The following PRR16 variants were observed in gnomAD, a reference collection of about 807,000 sequenced individuals.
The protein encoded by PRR16 is protein Largen.
PRR16 carries 6 observed loss-of-function variants against 18.2 expected under a neutral mutation model. The observed-to-expected ratio is 0.33, with a 90% CI of 0.18 to 0.65. PRR16 has a LOEUF of 0.65. PRR16 is among the 30% of genes least tolerant of loss of function. The pLI is 0.74. For synonymous variants in PRR16, 151 were observed against 147.8 expected, an observed-to-expected ratio of 1.02 and a Z score of -0.16; for missense variants, 412 against 376.6, an observed-to-expected ratio of 1.09 and a Z score of -0.78.
the PRR16 span, among the ~76,000 whole-genome samples, chr5:120,729,315 A>G: frequency 1.3e-5 from 2 of 152,250 alleles, no homozygotes; most frequent in African/African-American, 4.8e-5. Context: ...CTGTGTGGCC[A>G]TAGGTAAATT....
intron 1 of PRR16, among the ~76,000 whole-genome samples, chr5:120,551,372 G>A (rs1158442398): frequency 6.6e-6 from 1 of 151,946 alleles, no homozygotes; most frequent in Non-Finnish European, 1.5e-5. Flanking sequence ...AGTCAGATGA[G>A]CTTAAGTTAA....
At chr5:120,527,914 A>G (rs1751422837) in intron 1 of PRR16, among the ~76,000 whole-genome samples, 1 of 152,228 alleles carries the variant, frequency 6.6e-6, no homozygotes, top group Non-Finnish European at 1.5e-5. Context: ...TTGCCTTTGT[A>G]TATGCCTAAT....
chr5:120,631,218 A>C (rs1428111181), intron 1 of PRR16, among the ~76,000 whole-genome samples: 1 of 152,176 alleles, frequency 6.6e-6, no homozygotes, highest in Non-Finnish European at 1.5e-5. Flanking sequence ...ATTATGATTA[A>C]GATGGCAGAT....
chr5:120,759,194 T>C, the PRR16 span, among the ~76,000 whole-genome samples: 22 of 151,928 alleles, frequency 1.4e-4, no homozygotes, highest in African/African-American at 4.3e-4. Context: ...GCCAGGATGG[T>C]ATTGATCTCC....
chr5:120,478,898 A>G (rs1305871699), intron 1 of PRR16, among the ~76,000 whole-genome samples: 1 of 152,094 alleles, frequency 6.6e-6, no homozygotes, highest in Non-Finnish European at 1.5e-5. Flanking sequence ...ATTTTAAATT[A>G]ACTGGAAAAT....
chr5:120,776,622 A>G, the PRR16 span, among the ~76,000 whole-genome samples: 1 of 152,164 alleles, frequency 6.6e-6, no homozygotes, highest in Non-Finnish European at 1.5e-5. Flanking sequence ...TGTATAGAAT[A>G]CAATACCACC....
chr5:120,792,155 A>G, the PRR16 span, among the ~76,000 whole-genome samples: 2 of 152,162 alleles, frequency 1.3e-5, no homozygotes, highest in Non-Finnish European at 2.9e-5. Context: ...GATAAAAAAT[A>G]TAGTTCTTTA....
the PRR16 span, among the ~76,000 whole-genome samples, chr5:120,720,050 C>T: frequency 2.0e-5 from 3 of 152,082 alleles, no homozygotes; most frequent in African/African-American, 7.2e-5. Flanking sequence ...CAAAGTAGAG[C>T]ACACATTTAT....
chr5:120,681,040 A>G (rs1271695684), intron 1 of PRR16, among the ~76,000 whole-genome samples: 1 of 152,164 alleles, frequency 6.6e-6, no homozygotes, highest in Non-Finnish European at 1.5e-5. Context: ...TTGCCTGATA[A>G]TATCTTATTT....
intron 1 of PRR16, among the ~76,000 whole-genome samples, chr5:120,564,873 C>A (rs1304482562): frequency 1.3e-5 from 2 of 151,794 alleles, no homozygotes; most frequent in Non-Finnish European, 2.9e-5. Context: ...GTAGTCCCAG[C>A]TACTCGGGAG....
At chr5:120,599,819 A>T (rs986697347) in intron 1 of PRR16, among the ~76,000 whole-genome samples, 7 of 151,886 alleles carry the variant, frequency 4.6e-5, no homozygotes, top group African/African-American at 1.7e-4. Flanking sequence ...GACATAGTCC[A>T]ACCAGTGACT....
the PRR16 span, among the ~76,000 whole-genome samples, chr5:120,740,068 A>G: frequency 6.6e-6 from 1 of 152,182 alleles, no homozygotes; most frequent in Non-Finnish European, 1.5e-5. Context: ...GCTTAGCTAG[A>G]TGAATGACAC....
chr5:120,501,234 T>G (rs187183642), intron 1 of PRR16, among the ~76,000 whole-genome samples: 4 of 152,304 alleles, frequency 2.6e-5, no homozygotes, highest in Admixed American at 2.6e-4. Context: ...GGTGTCACAT[T>G]TAATTTAATA....
chr5:120,555,787 A>C (rs1524574), intron 1 of PRR16, among the ~76,000 whole-genome samples: 1 of 148,598 alleles, frequency 6.7e-6, no homozygotes, highest in East Asian at 2.0e-4. Context: ...CAATCTTCTA[A>C]ATAACCTAGA....
At chr5:120,773,016 GTATAC>G in the PRR16 span, among the ~76,000 whole-genome samples, 3 of 152,052 alleles carry the variant, frequency 2.0e-5, no homozygotes, top group Admixed American at 1.3e-4. Context: ...GGTACTGTAA[GTATAC>G]TATATTATAT....
rs560029461 is a variant in PRR16 at position 120,627,487 on chromosome 5, G to A, written c.160-58467G>A. The stretch of plus-strand genomic sequence containing the variant: ...ATGTGACTTGAGACTGATGAATTAT[G>A]ATAGTCTTTGATGTGCTTCAGGCAT... On this transcript the variant is annotated intron_variant, in intron 1 of 1. Coordinates refer to ENST00000407149, the MANE Select transcript of PRR16 (RefSeq NM_001300783.2). Among the ~76,000 whole-genome samples the A allele has an allele frequency of 3.9e-5, 6 of 152,156 alleles. No individual in the cohort carries two copies. In the East Asian group the frequency reaches 1.2e-3, roughly 29 times the overall value.
At chr5:120,698,097 C>T in the PRR16 span, among the ~76,000 whole-genome samples, 21 of 151,802 alleles carry the variant, frequency 1.4e-4, no homozygotes, top group African/African-American at 2.4e-4. Flanking sequence ...GTTGGGGCGG[C>T]GAAAACTTTT....
chr5:120,540,919 G>T (rs1751892838), intron 1 of PRR16, among the ~76,000 whole-genome samples: 1 of 151,996 alleles, frequency 6.6e-6, no homozygotes, highest in Admixed American at 6.6e-5. Flanking sequence ...TTCATTTTCA[G>T]CCCACCCTGA....
chr5:120,594,735 G>A (rs9717027), intron 1 of PRR16, among the ~76,000 whole-genome samples: 13,877 of 152,050 alleles, frequency 0.091, 1,326 homozygotes, highest in African/African-American at 0.25. Context: ...AGCCAAAACA[G>A]CATGGTACTT....
Sources: gnomAD v4.1 joint callset for allele counts (sites outside exome capture counted in the v4.1 genomes callset) on GRCh38, gnomAD v4.1.1 for gene constraint, MANE v1.5 for transcripts, NCBI Gene and HGNC (gene_info 2026-07-23, HGNC 2026-07-21) for gene names.